Variants in TBC1D22A observed in about 807,000 individuals in gnomAD.
TBC1D22A encodes the protein TBC1 domain family member 22A, also known as putative GTPase activator.
TBC1D22A carries 38 observed loss-of-function variants against 60.2 expected under a neutral mutation model. The observed-to-expected ratio is 0.63, with a 90% CI of 0.49 to 0.83. The LOEUF (loss-of-function observed/expected upper bound fraction) is 0.83, where lower values mean the gene tolerates loss of function less well. Ranked by LOEUF, TBC1D22A falls within the 40% of genes least tolerant of loss-of-function variation. TBC1D22A has a pLI of 0.00. For missense variants in TBC1D22A, 628 were observed against 701.0 expected, an observed-to-expected ratio of 0.90 and a Z score of 1.18; for synonymous variants, 302 against 281.7, an observed-to-expected ratio of 1.07 and a Z score of -0.72.
rs78074703 is a variant in TBC1D22A at position 47,059,675 on chromosome 22, C to T, written c.1329+22477C>T. ...AAGTGTGTAAGCCTCAAAGGTCCCT[C>T]TCTCTGTCATGAGCTAATTGGAATG... On this transcript the variant is annotated intron_variant, in intron 11 of 12. Coordinates refer to ENST00000337137, the MANE Select transcript of TBC1D22A (RefSeq NM_014346.5). Among the ~76,000 whole-genome samples, 800 of 152,322 alleles carry T rather than the reference C, an allele frequency of 5.3e-3. 8 individuals carry two copies. Among genetic ancestry groups the T allele is most frequent in the African/African-American group, 0.019 (773 of 41,554 alleles).
Position 47,014,555 on chromosome 22 carries a change from C to T in TBC1D22A, c.1201+16846C>T, listed in dbSNP as rs1027837967. Among the ~76,000 whole-genome samples the T allele has an allele frequency of 7.2e-5, 11 of 152,368 alleles. No homozygotes were observed. In the South Asian group the frequency reaches 2.1e-3, roughly 29 times the overall value. ...GCTCACTGCTCGTTAAGCCTACTGT[C>T]CCTATGCCCCACCAAGCAGCCCCAT... On this transcript the variant is annotated intron_variant, in intron 10 of 12. Transcript: ENST00000337137.
At chr22:46,857,197 C>T (rs1159485451) in intron 4 of TBC1D22A, among the ~76,000 whole-genome samples, 1 of 152,236 alleles carries the variant, frequency 6.6e-6, no homozygotes, top group Non-Finnish European at 1.5e-5. Context: ...TTACATCAGT[C>T]CTTTGTGTGG....
At chr22:46,915,107 G>A (rs1004447289) in intron 8 of TBC1D22A, 2 of 298,874 alleles carry the variant, frequency 6.7e-6, no homozygotes, top group African/African-American at 4.3e-5. Flanking sequence ...GCAGTGCTGA[G>A]AAGGAGAAGC....
intron 12 of TBC1D22A, among the ~76,000 whole-genome samples, chr22:47,141,058 T>C (rs56030604): frequency 0.24 from 36,670 of 152,182 alleles, 4,758 homozygotes; most frequent in Non-Finnish European, 0.29. Context: ...TCCACATGGC[T>C]GGGGAGGCCT....
chr22:46,968,314 C>G (rs2073904667), intron 8 of TBC1D22A, among the ~76,000 whole-genome samples: 1 of 152,260 alleles, frequency 6.6e-6, no homozygotes, highest in Non-Finnish European at 1.5e-5. Flanking sequence ...GGCTCTGCCA[C>G]TTCCTAGCGC....
chr22:47,090,325 AGG>A (rs879458272), intron 11 of TBC1D22A, among the ~76,000 whole-genome samples: 11,232 of 152,312 alleles, frequency 0.074, 453 homozygotes, highest in Admixed American at 0.14. Context: ...GTCCCAGCCC[AGG>A]GAGCGCTCAG....
At chr22:46,941,817 T>C (rs540930256) in intron 8 of TBC1D22A, among the ~76,000 whole-genome samples, 2 of 84,372 alleles carry the variant, frequency 2.4e-5, no homozygotes, top group African/African-American at 1.3e-4. Context: ...ATAGAATATA[T>C]ATAGAATATA....
At chr22:46,776,497 T>C (rs1367859717) in intron 1 of TBC1D22A, among the ~76,000 whole-genome samples, 1 of 151,936 alleles carries the variant, frequency 6.6e-6, no homozygotes, top group African/African-American at 2.4e-5. Flanking sequence ...TGCAGGAGTT[T>C]TGGCTTGAGG....
intron 12 of TBC1D22A, among the ~76,000 whole-genome samples, chr22:47,159,816 C>T (rs969138012): frequency 2.0e-5 from 3 of 151,880 alleles, no homozygotes; most frequent in African/African-American, 7.3e-5. Context: ...ACCCACAGCA[C>T]ACAACCCCCA....
chr22:46,893,146 G>T (rs560855686), intron 6 of TBC1D22A, among the ~76,000 whole-genome samples: 3 of 152,340 alleles, frequency 2.0e-5, no homozygotes, highest in South Asian at 2.1e-4. Context: ...GGTGGCCTCG[G>T]CAGGTTTCCC....
chr22:46,862,470 T>C (rs2087949889), intron 4 of TBC1D22A, among the ~76,000 whole-genome samples: 1 of 152,204 alleles, frequency 6.6e-6, no homozygotes, highest in South Asian at 2.1e-4. Context: ...TCTCAGGGCA[T>C]GTATGCACTC....
In TBC1D22A at chr22:46,777,354, T is replaced by A. The variant is rs2083748390; in HGVS notation, c.62+14506T>A. On this transcript the variant is annotated intron_variant, in intron 1 of 12. Coordinates refer to ENST00000337137, the MANE Select transcript of TBC1D22A (RefSeq NM_014346.5). This position sits in a 1 kb window ranked among gnomAD's most constrained non-coding sequence, Gnocchi z 4.5. ...CTATTTTTGTGTGACTGGTAGAGAG[T>A]GATGTTGTCCAAGGGTGGGGACCGA... Among the ~76,000 whole-genome samples, 1 of 150,662 alleles carries A rather than the reference T, an allele frequency of 6.6e-6. No homozygotes were observed. The highest frequency in any genetic ancestry group is 2.4e-5 in the African/African-American group (1 of 40,846).
intron 4 of TBC1D22A, among the ~76,000 whole-genome samples, chr22:46,829,574 A>G (rs1018682025): frequency 6.6e-5 from 10 of 152,266 alleles, no homozygotes; most frequent in African/African-American, 2.4e-4. Flanking sequence ...TGGGAAGGCC[A>G]GAGAAAAACC....
At chr22:46,960,248 G>C (rs1044668483) in intron 8 of TBC1D22A, among the ~76,000 whole-genome samples, 1 of 151,952 alleles carries the variant, frequency 6.6e-6, no homozygotes, top group African/African-American at 2.4e-5. Flanking sequence ...TATGTAGGAG[G>C]TACAGTGTTG....
intron 4 of TBC1D22A, among the ~76,000 whole-genome samples, chr22:46,819,922 A>T (rs151140615): frequency 0.014 from 2,140 of 152,184 alleles, 50 homozygotes; most frequent in African/African-American, 0.049. Flanking sequence ...AGAGCTTGTT[A>T]TTGGTCTATT....
chr22:46,793,438 T>C, intron 2 of TBC1D22A, 63 bp from the exon 3 acceptor site: 2 of 1,535,458 alleles, frequency 1.3e-6, no homozygotes, highest in South Asian at 2.3e-5. Flanking sequence ...GGGAATTCTT[T>C]CCTGGCTGGT....
chr22:46,824,330 C>T (rs1408978093), intron 4 of TBC1D22A, among the ~76,000 whole-genome samples: 1 of 152,062 alleles, frequency 6.6e-6, no homozygotes, highest in African/African-American at 2.4e-5. Context: ...GAAGCGTAGA[C>T]CCAAAGGATG....
chr22:47,120,754 C>T (rs184964057), intron 12 of TBC1D22A, among the ~76,000 whole-genome samples: 101 of 152,338 alleles, frequency 6.6e-4, no homozygotes, highest in African/African-American at 2.2e-3. Flanking sequence ...AGCAGGTCTC[C>T]TCTGAAAATT....
intron 4 of TBC1D22A, among the ~76,000 whole-genome samples, chr22:46,876,712 C>A (rs73891032): frequency 0.017 from 2,658 of 152,344 alleles, 72 homozygotes; most frequent in African/African-American, 0.06. Context: ...AGGCCCATTG[C>A]TGACTCAGCC....
Sources: allele counts gnomAD v4.1 joint callset (sites outside exome capture counted in the v4.1 genomes callset), GRCh38; gene constraint gnomAD v4.1.1; non-coding constraint Gnocchi (gnomAD v3.1); transcripts MANE v1.5; gene names NCBI Gene and HGNC (gene_info 2026-07-23, HGNC 2026-07-21).